The following LINGO2 variants were observed in gnomAD, a reference collection of about 807,000 sequenced individuals.
LINGO2 encodes the protein leucine-rich repeat and immunoglobulin-like domain-containing nogo receptor-interacting protein 2.
In LINGO2, 14 loss-of-function variants were observed where a neutral mutation model predicts 30.6. The ratio of observed to expected loss-of-function variants is 0.46; its 90% CI spans 0.30 to 0.72. The LOEUF (loss-of-function observed/expected upper bound fraction) is 0.72. Among genes scored for constraint, LINGO2 ranks in the 30% least tolerant of loss-of-function variants. The probability of loss-of-function intolerance (pLI) is 0.07; values close to 1 mark genes in which losing one functional copy is unlikely to be tolerated. For synonymous variants in LINGO2, 317 were observed against 288.5 expected, an observed-to-expected ratio of 1.10 and a Z score of -1.00; for missense variants, 729 against 751.7, an observed-to-expected ratio of 0.97 and a Z score of 0.35.
At chr9:28,125,800 G>T (rs529809230) in intron 4 of LINGO2, among the ~76,000 whole-genome samples, 2 of 152,302 alleles carry the variant, frequency 1.3e-5, no homozygotes, top group African/African-American at 2.4e-5. Flanking sequence ...ACTGCCTAAG[G>T]CTGATCAATC....
At chr9:28,951,262 A>G in the LINGO2 span, among the ~76,000 whole-genome samples, 1 of 151,976 alleles carries the variant, frequency 6.6e-6, no homozygotes, top group Non-Finnish European at 1.5e-5. Flanking sequence ...AAAGACTTAA[A>G]CATAAGACCT....
At chr9:28,631,520 T>C (rs1282647930) in intron 1 of LINGO2, among the ~76,000 whole-genome samples, 1 of 152,146 alleles carries the variant, frequency 6.6e-6, no homozygotes, top group Admixed American at 6.6e-5. Context: ...TCCCCACTTC[T>C]TGTTTTTGTC....
the LINGO2 span, among the ~76,000 whole-genome samples, chr9:28,755,849 T>G: frequency 6.6e-6 from 1 of 152,150 alleles, no homozygotes; most frequent in Non-Finnish European, 1.5e-5. Flanking sequence ...TCTGATCATT[T>G]GCACTGGTGG....
At position 28,450,980 on chromosome 9, in the gene LINGO2, A is replaced by G. The variant is rs56263928; in HGVS notation, c.-279+24960T>C. 2.8e-3 allele frequency among the ~76,000 whole-genome samples: 429 copies of G among 152,068 alleles called. 3 individuals carry two copies. Among genetic ancestry groups the G allele is most frequent in the African/African-American group, 9.8e-3 (408 of 41,536 alleles). ...GCCTGAGTCCTTTCCTTCATTTTGAATAGAAATAGTCTTAATTTTTTTCAT... is the reference window on the plus strand; with the variant it reads ...GCCTGAGTCCTTTCCTTCATTTTGAGTAGAAATAGTCTTAATTTTTTTCAT... On this transcript the variant is annotated intron_variant, in intron 2 of 5. Transcript: ENST00000379992.
At chr9:28,275,110 C>T (rs1013219253) in intron 4 of LINGO2, among the ~76,000 whole-genome samples, 1 of 152,068 alleles carries the variant, frequency 6.6e-6, no homozygotes, top group Non-Finnish European at 1.5e-5. Flanking sequence ...ACTCTGTCGC[C>T]CAGGCTGGAG....
At chr9:28,039,676 G>C (rs544696432) in intron 4 of LINGO2, among the ~76,000 whole-genome samples, 1 of 151,954 alleles carries the variant, frequency 6.6e-6, no homozygotes, top group African/African-American at 2.4e-5. Context: ...TATCTTTATG[G>C]AGTATACTTC....
the LINGO2 span, among the ~76,000 whole-genome samples, chr9:28,909,470 A>T: frequency 6.6e-6 from 1 of 151,992 alleles, no homozygotes; most frequent in Non-Finnish European, 1.5e-5. Flanking sequence ...CAATATAGTG[A>T]TTACTGAGTG....
chr9:28,758,202 T>C, the LINGO2 span, among the ~76,000 whole-genome samples: 1 of 152,108 alleles, frequency 6.6e-6, no homozygotes, highest in Non-Finnish European at 1.5e-5. Flanking sequence ...CTTTCTCATG[T>C]AGCTCAGTAA....
At chr9:28,750,496 T>C in the LINGO2 span, among the ~76,000 whole-genome samples, 4 of 152,122 alleles carry the variant, frequency 2.6e-5, no homozygotes, top group Admixed American at 2.6e-4. Flanking sequence ...TGAAGAAGGC[T>C]CTGGGCCCTC....
intron 4 of LINGO2, among the ~76,000 whole-genome samples, chr9:28,021,417 C>T (rs1823114772): frequency 6.6e-6 from 1 of 152,060 alleles, no homozygotes; most frequent in South Asian, 2.1e-4. Context: ...ACAGTGTGGT[C>T]TATTTTGGTG....
the LINGO2 span, among the ~76,000 whole-genome samples, chr9:28,900,307 C>A: frequency 4.1e-4 from 63 of 152,334 alleles, no homozygotes; most frequent in African/African-American, 1.5e-3. Flanking sequence ...AGGACCAAAA[C>A]TCCAGGATAG....
At chr9:27,938,454 A>C in the LINGO2 span, 1 of 152,150 alleles carries the variant, frequency 6.6e-6, no homozygotes. Flanking sequence ...TGTTATGGTT[A>C]TTTTGAGAGA....
At chr9:28,884,996 T>TTTTA in the LINGO2 span, among the ~76,000 whole-genome samples, 67 of 15,890 alleles carry the variant, frequency 4.2e-3, no homozygotes, top group African/African-American at 0.014. Flanking sequence ...TAATAATATA[T>TTTTA]TATATATATA....
chr9:28,835,375 G>C, the LINGO2 span, among the ~76,000 whole-genome samples: 29 of 152,220 alleles, frequency 1.9e-4, no homozygotes, highest in South Asian at 8.3e-4. Flanking sequence ...TGTCTTTCCT[G>C]ATATAACATG....
the LINGO2 span, among the ~76,000 whole-genome samples, chr9:28,769,166 A>G: frequency 3.3e-5 from 5 of 151,730 alleles, no homozygotes; most frequent in East Asian, 7.8e-4. Context: ...ATATATAGCC[A>G]TAAGTATATA....
intron 1 of LINGO2, among the ~76,000 whole-genome samples, chr9:28,485,170 C>A (rs977490584): frequency 6.6e-6 from 1 of 152,126 alleles, no homozygotes; most frequent in South Asian, 2.1e-4. Context: ...TCTTTGATTA[C>A]AATTTGACCC....
At chr9:28,782,771 T>C in the LINGO2 span, among the ~76,000 whole-genome samples, 159 of 152,296 alleles carry the variant, frequency 1.0e-3, no homozygotes, top group African/African-American at 3.7e-3. Flanking sequence ...CCTACAACTT[T>C]AGAAAGTACA....
chr9:28,530,597 A>G (rs1202135476), intron 1 of LINGO2, among the ~76,000 whole-genome samples: 1 of 152,190 alleles, frequency 6.6e-6, no homozygotes, highest in African/African-American at 2.4e-5. Context: ...TGAAACCTAT[A>G]GGGATTTCAG....
chr9:28,279,405 C>T (rs1823240858), intron 4 of LINGO2, among the ~76,000 whole-genome samples: 1 of 152,052 alleles, frequency 6.6e-6, no homozygotes, highest in Non-Finnish European at 1.5e-5. Context: ...ATTGATGTGG[C>T]AAAGTTAATT....
Sources: allele counts gnomAD v4.1 joint callset (sites outside exome capture counted in the v4.1 genomes callset), GRCh38; gene constraint gnomAD v4.1.1; transcripts MANE v1.5; gene names NCBI Gene and HGNC (gene_info 2026-07-23, HGNC 2026-07-21).